The following CLEC6A variants were observed in gnomAD, a reference collection of about 807,000 sequenced individuals.
CLEC6A encodes the protein C-type lectin domain containing 6A, also known as C-type lectin domain family 6 member A.
A neutral mutation model predicts 25.7 loss-of-function variants in CLEC6A; 22 were observed. That is an observed-to-expected ratio of 0.85 (90% CI 0.61 to 1.22). The LOEUF is 1.22. Among genes scored for constraint, CLEC6A ranks in the 50% most tolerant of loss-of-function variants. CLEC6A has a pLI of 0.00. For synonymous variants in CLEC6A, 92 were observed against 76.7 expected, an observed-to-expected ratio of 1.20 and a Z score of -1.04; for missense variants, 240 against 236.8, an observed-to-expected ratio of 1.01 and a Z score of -0.09.
At position 8,473,265 on chromosome 12, in the gene CLEC6A, A is replaced by T. The variant is rs1939929244; in HGVS notation, c.370-2860A>T. Among the ~76,000 whole-genome samples, 2 of 145,234 alleles carry T rather than the reference A, an allele frequency of 1.4e-5. 1 individual carries two copies. The highest frequency in any genetic ancestry group is 3.0e-5 in the Non-Finnish European group (2 of 66,058). ...CGTCTCGGCCTCCCAAAGTGCTGGG[A>T]TTACAGGCGTGAGCCACCGCGCCCG... On this transcript the variant is annotated intron_variant, in intron 4 of 5. Transcript: ENST00000382073.
At chr12:8,472,696 G>C (rs1261131549) in intron 4 of CLEC6A, among the ~76,000 whole-genome samples, 1 of 152,032 alleles carries the variant, frequency 6.6e-6, no homozygotes, top group Non-Finnish European at 1.5e-5. Context: ...CTAGGGCATG[G>C]GGCTTTATAT....
At chr12:8,464,925 A>G (rs1348338047) in intron 3 of CLEC6A, among the ~76,000 whole-genome samples, 1 of 152,180 alleles carries the variant, frequency 6.6e-6, no homozygotes, top group Non-Finnish European at 1.5e-5. Flanking sequence ...TGCTTTATAC[A>G]TTTTATGTGA....
chr12:8,469,679 G>T (rs897649396), intron 4 of CLEC6A, among the ~76,000 whole-genome samples: 1 of 152,062 alleles, frequency 6.6e-6, no homozygotes, highest in Non-Finnish European at 1.5e-5. Context: ...AACGTAAAGT[G>T]GGAAAAGGAC....
intron 3 of CLEC6A, chr12:8,460,816 A>C (rs10770740): frequency 0.79 from 925,940 of 1,171,678 alleles, 368,349 homozygotes; most frequent in East Asian, 0.99. Context: ...GATTCGTGTT[A>C]GCCCTGGTGG....
intron 4 of CLEC6A, among the ~76,000 whole-genome samples, chr12:8,470,750 A>C (rs780013822): frequency 6.6e-6 from 1 of 152,186 alleles, no homozygotes; most frequent in South Asian, 2.1e-4. Flanking sequence ...GTCAGGGGAA[A>C]GTGTGAGAAA....
intron 4 of CLEC6A, among the ~76,000 whole-genome samples, chr12:8,474,885 C>CT (rs201260673): frequency 1.3e-5 from 2 of 152,052 alleles, no homozygotes; most frequent in African/African-American, 2.4e-5. Context: ...TACTTTCTTT[C>CT]TTTTTTTTAA....
intron 3 of CLEC6A, chr12:8,461,099 T>C (rs1414889959): frequency 8.8e-6 from 14 of 1,595,666 alleles, no homozygotes; most frequent in Non-Finnish European, 1.2e-5. Flanking sequence ...CACAGGGAGA[T>C]GTGTGGGCTG....
At chr12:8,471,987 T>C (rs1206432975) in intron 4 of CLEC6A, among the ~76,000 whole-genome samples, 2 of 152,184 alleles carry the variant, frequency 1.3e-5, no homozygotes, top group Non-Finnish European at 2.9e-5. Flanking sequence ...ATTAAGACAG[T>C]GTCTAGAGAT....
chr12:8,476,607 C>G (rs1939976965), intron 5 of CLEC6A, among the ~76,000 whole-genome samples: 1 of 152,048 alleles, frequency 6.6e-6, no homozygotes, highest in Non-Finnish European at 1.5e-5. Flanking sequence ...TGGGTCAGAA[C>G]TATGTACAAT....
At chr12:8,460,985 A>G in intron 3 of CLEC6A, 1 of 1,149,000 alleles carries the variant, frequency 8.7e-7, no homozygotes, top group Non-Finnish European at 1.3e-6. Flanking sequence ...TGCGTTGGTG[A>G]AGATTCCACA....
intron 3 of CLEC6A, among the ~76,000 whole-genome samples, chr12:8,464,967 TATTTCC>T (rs1939811226): frequency 6.6e-6 from 1 of 152,256 alleles, no homozygotes; most frequent in Non-Finnish European, 1.5e-5. Context: ...GCACTATTAT[TATTTCC>T]ATTTTAGAGA....
intron 3 of CLEC6A, among the ~76,000 whole-genome samples, chr12:8,463,374 A>C (rs1293424787): frequency 6.6e-6 from 1 of 152,228 alleles, no homozygotes; most frequent in East Asian, 1.9e-4. Flanking sequence ...CTTTGAAAAA[A>C]TGCTATCGAA....
At position 8,455,994 on chromosome 12, in the gene CLEC6A, TG is replaced by T; in HGVS notation, c.-117del. 1 of 838,258 alleles carries T rather than the reference TG, an allele frequency of 1.2e-6. No individual in the cohort carries two copies. The allele number at this position is 838,258 out of a possible 1,614,324, so 51.9% of individuals were successfully genotyped here. On this transcript the variant is annotated 5_prime_UTR_variant, in exon 1 of 6. Transcript: ENST00000382073. ...GAAGTCTCTTAGTCCTATAAGAGTG[TG>T]TAGCAGTTTGTCCCTGAGCTCTAGC... is the stretch of plus-strand genomic sequence containing the variant.
At chr12:8,472,133 C>G (rs1185295167) in intron 4 of CLEC6A, among the ~76,000 whole-genome samples, 1 of 152,140 alleles carries the variant, frequency 6.6e-6, no homozygotes, top group Non-Finnish European at 1.5e-5. Context: ...CACCAATCAG[C>G]CTGGGTATAG....
intron 4 of CLEC6A, among the ~76,000 whole-genome samples, chr12:8,469,590 A>G (rs1032153179): frequency 1.3e-5 from 2 of 152,190 alleles, no homozygotes; most frequent in Non-Finnish European, 2.9e-5. Flanking sequence ...AAAGAGACAC[A>G]TGGACCAATG....
rs114307343 is a variant in CLEC6A at position 8,466,246 on chromosome 12, G to C, written c.369+617G>C. Reference sequence around the variant, plus strand: ...AGCCTTCTTTTTCTCCTTTTTTGTGGTGAGAACACATAAGATGCTACATTT... The same window carrying C: ...AGCCTTCTTTTTCTCCTTTTTTGTGCTGAGAACACATAAGATGCTACATTT... On this transcript the variant is annotated intron_variant, in intron 4 of 5. Coordinates refer to ENST00000382073, the MANE Select transcript of CLEC6A (RefSeq NM_001007033.2). 8.2e-3 allele frequency among the ~76,000 whole-genome samples: 1,252 copies of C among 152,020 alleles called. 25 individuals carry two copies. Among genetic ancestry groups the C allele is most frequent in the African/African-American group, 0.029 (1,210 of 41,446 alleles).
At chr12:8,463,385 T>C (rs1461510889) in intron 3 of CLEC6A, among the ~76,000 whole-genome samples, 1 of 152,210 alleles carries the variant, frequency 6.6e-6, no homozygotes, top group Non-Finnish European at 1.5e-5. Context: ...TGCTATCGAA[T>C]GTAATTATAA....
chr12:8,471,651 C>T (rs1221154944), intron 4 of CLEC6A, among the ~76,000 whole-genome samples: 1 of 151,956 alleles, frequency 6.6e-6, no homozygotes, highest in African/African-American at 2.4e-5. Flanking sequence ...TCATTTTAGT[C>T]ATTTGAATCT....
At chr12:8,476,081 T>C (rs1198239706) in intron 4 of CLEC6A, 44 bp from the exon 5 acceptor site, 2 of 1,293,560 alleles carry the variant, frequency 1.5e-6, no homozygotes. Flanking sequence ...CTGTTCAATC[T>C]GGAAATACCA....
Sources: allele counts gnomAD v4.1 joint callset (sites outside exome capture counted in the v4.1 genomes callset), GRCh38; gene constraint gnomAD v4.1.1; transcripts MANE v1.5; gene names NCBI Gene and HGNC (gene_info 2026-07-23, HGNC 2026-07-21).